Variants in SPSB4 observed in about 807,000 individuals in gnomAD.
The protein encoded by SPSB4 is SPRY domain-containing SOCS box protein 4.
SPSB4 carries 21 observed loss-of-function variants against 20.9 expected under a neutral mutation model. That is an observed-to-expected ratio of 1.01 (90% CI 0.71 to 1.45). The LOEUF is 1.45. Ranked by LOEUF, SPSB4 falls within the 40% of genes most tolerant of loss-of-function variation. The pLI, the probability that SPSB4 is intolerant of heterozygous loss-of-function variation, is 0.00. For synonymous variants in SPSB4, 207 were observed against 183.8 expected (o/e 1.13, Z -1.02); for missense variants, 399 against 399.2 (o/e 1.00, Z 0.00).
In SPSB4 at chr3:141,066,703, C is replaced by G. The variant is rs145018642; in HGVS notation, c.599C>G (p.Ala200Gly). 2 of 1,612,668 alleles carry G rather than the reference C, an allele frequency of 1.2e-6. No individual in the cohort carries two copies. Among genetic ancestry groups the G allele is most frequent in the Non-Finnish European group, 1.7e-6 (2 of 1,179,384 alleles). ...FIVDGQYLGVAFRGLKGKKLY... is the reference protein window; with the variant it reads ...FIVDGQYLGVGFRGLKGKKLY... ...GTGGATGGCCAGTACCTGGGCGTGG[C>G]CTTCCGAGGTCTCAAGGGCAAGAAG... The change falls in exon 2 of 3, where the codon GCC (alanine) becomes GGC (glycine). Residue 200 changes from alanine to glycine, a missense_variant. Transcript: ENST00000310546.
chr3:141,066,244 G>C lies in SPSB4; in HGVS notation c.140G>C (p.Gly47Ala), dbSNP rs1413044136. The change falls in exon 2 of 3, where the codon GGG (glycine) becomes GCG (alanine). Residue 47 changes from glycine (G) to alanine (A), a missense_variant. By Grantham distance (60) the Gly-to-Ala change is moderately conservative. Coordinates refer to ENST00000310546, the MANE Select transcript of SPSB4 (RefSeq NM_080862.3). ...LDQLLDMPAA[G>A]LAVQLRHAWN... ...CAGCTGTTGGACATGCCAGCGGCGGGGCTGGCTGTGCAGCTGCGGCACGCG... is the reference window on the plus strand; with the variant it reads ...CAGCTGTTGGACATGCCAGCGGCGGCGCTGGCTGTGCAGCTGCGGCACGCG... 2 of 1,534,288 alleles carry C rather than the reference G, an allele frequency of 1.3e-6. No homozygotes were observed. Among genetic ancestry groups the C allele is most frequent in the African/African-American group, 2.8e-5 (2 of 72,050 alleles).
intron 2 of SPSB4, among the ~76,000 whole-genome samples, chr3:141,142,087 G>C (rs1939339447): frequency 2.0e-5 from 3 of 152,214 alleles, no homozygotes; most frequent in Non-Finnish European, 2.9e-5. Context: ...TGCTGAGTTT[G>C]AGTTTAGTTT....
At chr3:141,078,878 G>A (rs1385517932) in intron 2 of SPSB4, among the ~76,000 whole-genome samples, 1 of 152,184 alleles carries the variant, frequency 6.6e-6, no homozygotes, top group Non-Finnish European at 1.5e-5. Flanking sequence ...CAGGGGCTGG[G>A]CTGTTCTATT....
intron 2 of SPSB4, among the ~76,000 whole-genome samples, chr3:141,073,068 C>T (rs867979409): frequency 3.9e-5 from 6 of 152,282 alleles, no homozygotes; most frequent in Middle Eastern, 3.4e-3. Flanking sequence ...TAGGCAGTTT[C>T]CAATCTTTGA....
At chr3:141,133,785 T>C (rs1156352293) in intron 2 of SPSB4, among the ~76,000 whole-genome samples, 3 of 152,192 alleles carry the variant, frequency 2.0e-5, no homozygotes, top group African/African-American at 7.2e-5. Flanking sequence ...TTCAGTTTCA[T>C]ATGAATTTTA....
intron 1 of SPSB4, among the ~76,000 whole-genome samples, chr3:141,055,855 C>T (rs1046870197): frequency 2.0e-5 from 3 of 152,158 alleles, no homozygotes; most frequent in East Asian, 3.9e-4. Context: ...GGTCAGCTGG[C>T]CTTACAAGGT....
At chr3:141,099,112 C>T (rs1023512718) in intron 2 of SPSB4, among the ~76,000 whole-genome samples, 1 of 130,082 alleles carries the variant, frequency 7.7e-6, no homozygotes, top group African/African-American at 2.6e-5. Context: ...TCTCTTAATA[C>T]TGTTACAATG....
At chr3:141,117,554 G>A (rs1320446476) in intron 2 of SPSB4, among the ~76,000 whole-genome samples, 1 of 152,158 alleles carries the variant, frequency 6.6e-6, no homozygotes, top group African/African-American at 2.4e-5. Flanking sequence ...ACAATGTGCA[G>A]GTTTGTTACA....
At chr3:141,097,709 T>G (rs1322061582) in intron 2 of SPSB4, among the ~76,000 whole-genome samples, 1 of 151,998 alleles carries the variant, frequency 6.6e-6, no homozygotes, top group Non-Finnish European at 1.5e-5. Flanking sequence ...GTAGCTATAT[T>G]TGGGAGGCAG....
intron 2 of SPSB4, among the ~76,000 whole-genome samples, chr3:141,102,561 C>T (rs548755574): frequency 1.3e-5 from 2 of 152,172 alleles, no homozygotes; most frequent in African/African-American, 4.8e-5. Context: ...TAGGCAGCAG[C>T]AGCAGCATGT....
chr3:141,137,942 C>A (rs535789659), intron 2 of SPSB4, among the ~76,000 whole-genome samples: 1 of 151,994 alleles, frequency 6.6e-6, no homozygotes, highest in Admixed American at 6.5e-5. Context: ...TGGTAGAATT[C>A]GGCTGTGAAT....
intron 2 of SPSB4, 122 bp downstream of exon 2, chr3:141,066,920 C>A: frequency 9.7e-7 from 1 of 1,031,924 alleles, no homozygotes; most frequent in Non-Finnish European, 1.3e-6. Context: ...TGGTCAGGAC[C>A]TGGGTTTCAA....
At chr3:141,097,827 G>C (rs1228465592) in intron 2 of SPSB4, among the ~76,000 whole-genome samples, 1 of 152,162 alleles carries the variant, frequency 6.6e-6, no homozygotes, top group Admixed American at 6.5e-5. Context: ...AATTTTAAAA[G>C]AAAGTGTAAT....
chr3:141,138,331 T>A (rs946947244), intron 2 of SPSB4, among the ~76,000 whole-genome samples: 1 of 152,246 alleles, frequency 6.6e-6, no homozygotes, highest in Non-Finnish European at 1.5e-5. Flanking sequence ...TGTCTCTATC[T>A]CCTTCAGTTC....
chr3:141,109,920 G>A (rs1271918748), intron 2 of SPSB4, among the ~76,000 whole-genome samples: 2 of 152,180 alleles, frequency 1.3e-5, no homozygotes, highest in African/African-American at 4.8e-5. Context: ...TGCTAAATGG[G>A]TCTTAACTCA....
intron 2 of SPSB4, among the ~76,000 whole-genome samples, chr3:141,113,911 C>T (rs1417920297): frequency 6.6e-6 from 1 of 152,186 alleles, no homozygotes; most frequent in Non-Finnish European, 1.5e-5. Flanking sequence ...GCCTGGTCAA[C>T]ATGGGGAAAC....
intron 1 of SPSB4, among the ~76,000 whole-genome samples, chr3:141,058,776 G>C (rs1187589971): frequency 6.6e-6 from 1 of 152,220 alleles, no homozygotes; most frequent in Admixed American, 6.5e-5. Flanking sequence ...CAAAGCAGTA[G>C]CTAATAAAGG....
intron 2 of SPSB4, among the ~76,000 whole-genome samples, chr3:141,121,164 C>T (rs1011607373): frequency 6.6e-6 from 1 of 152,108 alleles, no homozygotes; most frequent in African/African-American, 2.4e-5. Context: ...TTCTCCTTCA[C>T]TTATGAAGCT....
intron 2 of SPSB4, among the ~76,000 whole-genome samples, chr3:141,137,987 TATTA>T (rs1321076712): frequency 6.6e-6 from 1 of 152,208 alleles, no homozygotes; most frequent in Non-Finnish European, 1.5e-5. Context: ...GTTGGTAAGC[TATTA>T]ATTATTGCCT....
Sources: gnomAD v4.1 joint callset for allele counts (sites outside exome capture counted in the v4.1 genomes callset) on GRCh38, gnomAD v4.1.1 for gene constraint, MANE v1.5 for transcripts, NCBI Gene and HGNC (gene_info 2026-07-23, HGNC 2026-07-21) for gene names.